GPC5: variants seen among roughly 807,000 people sequenced by gnomAD.
The protein encoded by GPC5 is glypican 5.
A neutral mutation model predicts 53.9 loss-of-function variants in GPC5; 47 were observed. The ratio of observed to expected loss-of-function variants is 0.87; its 90% CI spans 0.69 to 1.11. The LOEUF is 1.11. GPC5 is among the 50% of genes most tolerant of loss of function. The pLI, the probability that GPC5 is intolerant of heterozygous loss-of-function variation, is 0.00. For synonymous variants in GPC5, 286 were observed against 263.3 expected, an observed-to-expected ratio of 1.09 and a Z score of -0.84; for missense variants, 748 against 713.1, an observed-to-expected ratio of 1.05 and a Z score of -0.56.
intron 7 of GPC5, among the ~76,000 whole-genome samples, chr13:92,383,125 T>C (rs562912884): frequency 8.5e-5 from 13 of 152,170 alleles, no homozygotes; most frequent in Non-Finnish European, 1.3e-4. Flanking sequence ...TATTAATATG[T>C]ATGATAGTCA....
intron 7 of GPC5, among the ~76,000 whole-genome samples, chr13:92,215,759 T>G (rs1192467275): frequency 6.6e-6 from 1 of 152,200 alleles, no homozygotes; most frequent in Non-Finnish European, 1.5e-5. Context: ...CAGCAGAGTT[T>G]TCATTTAACT....
chr13:91,656,242 T>G (rs2034842522), intron 2 of GPC5, among the ~76,000 whole-genome samples: 1 of 152,224 alleles, frequency 6.6e-6, no homozygotes, highest in African/African-American at 2.4e-5. Flanking sequence ...CCTAGTTGCA[T>G]GTGCTTTCTG....
At chr13:92,257,018 G>C (rs1341249096) in intron 7 of GPC5, among the ~76,000 whole-genome samples, 1 of 151,754 alleles carries the variant, frequency 6.6e-6, no homozygotes, top group African/African-American at 2.4e-5. Context: ...CTATGAATTT[G>C]ACTATTTTAG....
chr13:91,732,216 G>T (rs2036715021), intron 4 of GPC5, among the ~76,000 whole-genome samples: 1 of 152,122 alleles, frequency 6.6e-6, no homozygotes, highest in Non-Finnish European at 1.5e-5. Flanking sequence ...ACTCTTTAAT[G>T]ATCGCCATTC....
At chr13:91,880,219 T>G (rs2039249323) in intron 5 of GPC5, among the ~76,000 whole-genome samples, 2 of 152,112 alleles carry the variant, frequency 1.3e-5, no homozygotes, top group Non-Finnish European at 2.9e-5. Flanking sequence ...CATGTTTATT[T>G]TAGTGAAACA....
At chr13:91,588,286 A>G (rs968858606) in intron 2 of GPC5, among the ~76,000 whole-genome samples, 3 of 152,172 alleles carry the variant, frequency 2.0e-5, no homozygotes, top group African/African-American at 7.2e-5. Context: ...TTTACTTCCC[A>G]CTTTGCAGTC....
At chr13:92,466,191 T>TATTC (rs1878684299) in intron 7 of GPC5, among the ~76,000 whole-genome samples, 1 of 151,324 alleles carries the variant, frequency 6.6e-6, no homozygotes, top group South Asian at 2.1e-4. Flanking sequence ...TAATTAAAAA[T>TATTC]ATAAATATAG....
rs202083105 is a variant in GPC5, at chr13:92,174,569, C to A, written c.1561+29580C>A. 7.6e-3 allele frequency among the ~76,000 whole-genome samples: 1,137 copies of A among 149,204 alleles called. 3 individuals carry two copies. Among genetic ancestry groups the A allele is most frequent in the Middle Eastern group, 0.024 (7 of 286 alleles). On this transcript the variant is annotated intron_variant, in intron 7 of 7. Coordinates refer to ENST00000377067, the MANE Select transcript of GPC5 (RefSeq NM_004466.6). ...AAAAAAACAAAAACAACAACAACAA[C>A]AAAAAAAACAAAATTTAAATAACTC...
intron 2 of GPC5, among the ~76,000 whole-genome samples, chr13:91,449,717 G>A (rs1311082555): frequency 6.6e-6 from 1 of 152,090 alleles, no homozygotes; most frequent in Non-Finnish European, 1.5e-5. Flanking sequence ...CAAGCAATAT[G>A]TTCAGATATA....
chr13:92,828,834 CA>C, intron 7 of GPC5, among the ~76,000 whole-genome samples: 1 of 152,060 alleles, frequency 6.6e-6, no homozygotes, highest in East Asian at 1.9e-4. Flanking sequence ...CTGGAGACTC[CA>C]AAAGATAGGA....
At chr13:91,815,616 A>G (rs2038387809) in intron 5 of GPC5, among the ~76,000 whole-genome samples, 1 of 152,144 alleles carries the variant, frequency 6.6e-6, no homozygotes, top group Non-Finnish European at 1.5e-5. Context: ...GATGTGAGGT[A>G]TCCTCCCTCC....
intron 5 of GPC5, among the ~76,000 whole-genome samples, chr13:91,789,991 GC>G (rs2037939681): frequency 6.6e-6 from 1 of 152,130 alleles, no homozygotes; most frequent in South Asian, 2.1e-4. Flanking sequence ...ATCTATTCCT[GC>G]TAGAATTAAG....
At chr13:92,313,581 A>G (rs1229679824) in intron 7 of GPC5, among the ~76,000 whole-genome samples, 1 of 152,186 alleles carries the variant, frequency 6.6e-6, no homozygotes, top group Non-Finnish European at 1.5e-5. Flanking sequence ...TTTCCCTTGC[A>G]TCAGCCAAAA....
At chr13:92,745,356 CT>C (rs1198122209) in intron 7 of GPC5, among the ~76,000 whole-genome samples, 1 of 152,096 alleles carries the variant, frequency 6.6e-6, no homozygotes, top group African/African-American at 2.4e-5. Context: ...ACACCTGGCA[CT>C]TTTGAAAATG....
At chr13:92,313,490 A>C (rs12877104) in intron 7 of GPC5, among the ~76,000 whole-genome samples, 1,544 of 152,340 alleles carry the variant, frequency 0.01, 27 homozygotes, top group Middle Eastern at 0.048. Flanking sequence ...GAGAGAAATA[A>C]TTACTAAAAC....
chr13:92,025,608 T>C (rs534292582), intron 6 of GPC5, among the ~76,000 whole-genome samples: 1 of 152,142 alleles, frequency 6.6e-6, no homozygotes, highest in African/African-American at 2.4e-5. Context: ...TCTCAAAGAA[T>C]TGGCCCAACT....
At chr13:92,704,883 G>GTGTGTATATATATATACTCAA (rs1470139475) in intron 7 of GPC5, among the ~76,000 whole-genome samples, 18 of 148,334 alleles carry the variant, frequency 1.2e-4, no homozygotes, top group African/African-American at 3.8e-4. Context: ...TATACTCAAT[G>GTGTGTATATATATATACTCAA]TGTGTATATA....
chr13:91,974,744 T>A (rs1227595481), intron 6 of GPC5, among the ~76,000 whole-genome samples: 1 of 152,140 alleles, frequency 6.6e-6, no homozygotes, highest in Non-Finnish European at 1.5e-5. Flanking sequence ...ACCAATGACT[T>A]TCCTCACAGA....
intron 6 of GPC5, among the ~76,000 whole-genome samples, chr13:92,091,520 A>T (rs570276493): frequency 1.6e-4 from 24 of 152,016 alleles, no homozygotes; most frequent in Non-Finnish European, 2.8e-4. Context: ...TACCATTTTA[A>T]TTCCAACTAC....
Sources: gnomAD v4.1 joint callset for allele counts (sites outside exome capture counted in the v4.1 genomes callset) on GRCh38, gnomAD v4.1.1 for gene constraint, MANE v1.5 for transcripts, NCBI Gene and HGNC (gene_info 2026-07-23, HGNC 2026-07-21) for gene names.